Variants in SLC71A1 observed in about 807,000 individuals in gnomAD.
SLC71A1 encodes hippocampus abundant gene transcript 1.
At chr1:100,052,424 C>CTT in the SLC71A1 span, among the ~76,000 whole-genome samples, 652 of 119,560 alleles carry the variant, frequency 5.5e-3, no homozygotes, top group Non-Finnish European at 7.2e-3. Flanking sequence ...TAATATATTC[C>CTT]TTTTTTTTTT....
At chr1:100,051,458 G>GTT in the SLC71A1 span, among the ~76,000 whole-genome samples, 78 of 134,004 alleles carry the variant, frequency 5.8e-4, no homozygotes, top group African/African-American at 1.9e-3. Flanking sequence ...ATATCAGAGG[G>GTT]TTTTTTTTTT....
the SLC71A1 span, among the ~76,000 whole-genome samples, chr1:100,046,226 T>G: frequency 1.9e-5 from 2 of 104,762 alleles, no homozygotes; most frequent in African/African-American, 8.1e-5. Flanking sequence ...TTTTTTTTTT[T>G]TTTTTTTTTT....
At chr1:100,068,238 G>T in the SLC71A1 span, 3 of 1,426,632 alleles carry the variant, frequency 2.1e-6, no homozygotes, top group South Asian at 1.2e-5. Context: ...AAAAGTGCAT[G>T]ATTCAGTGCA....
At chr1:100,068,002 T>G in the SLC71A1 span, 1 of 1,614,200 alleles carries the variant, frequency 6.2e-7, no homozygotes, top group Non-Finnish European at 8.5e-7. Context: ...GCTGCAAGTT[T>G]AGTCACCAGT....
chr1:100,076,625 A>G, the SLC71A1 span, among the ~76,000 whole-genome samples: 3 of 152,240 alleles, frequency 2.0e-5, no homozygotes, highest in African/African-American at 7.2e-5. Flanking sequence ...AGCCAAGATT[A>G]TGATCCAGGC....
chr1:100,071,596 A>G, the SLC71A1 span, among the ~76,000 whole-genome samples: 1 of 152,238 alleles, frequency 6.6e-6, no homozygotes, highest in Non-Finnish European at 1.5e-5. Context: ...TACATTGCCA[A>G]CATTAGATTT....
chr1:100,048,144 A>G, the SLC71A1 span, among the ~76,000 whole-genome samples: 1 of 152,024 alleles, frequency 6.6e-6, no homozygotes, highest in East Asian at 1.9e-4. Context: ...GTGGTGGTGA[A>G]CATGGTGGAC....
chr1:100,059,144 G>GTGTTTTTTTTTTTTTT, the SLC71A1 span, among the ~76,000 whole-genome samples: 13 of 75,428 alleles, frequency 1.7e-4, no homozygotes, highest in African/African-American at 4.1e-4. Flanking sequence ...TCTTTTTCGT[G>GTGTTTTTTTTTTTTTT]TTTTTTTTTT....
the SLC71A1 span, among the ~76,000 whole-genome samples, chr1:100,056,806 C>T: frequency 6.6e-6 from 1 of 152,112 alleles, no homozygotes; most frequent in Non-Finnish European, 1.5e-5. Context: ...ACATTCCCAC[C>T]AACAGTGTAT....
the SLC71A1 span, chr1:100,080,489 A>G: frequency 6.2e-7 from 1 of 1,608,876 alleles, no homozygotes; most frequent in East Asian, 2.2e-5. Flanking sequence ...TTGTTTAAAC[A>G]ATGTAGGTGT....
chr1:100,038,159 T>G, the SLC71A1 span: 1 of 1,321,494 alleles, frequency 7.6e-7, no homozygotes, highest in Non-Finnish European at 1.1e-6. Context: ...GCAGTAGTGG[T>G]GGGACGGCAC....
chr1:100,053,511 C>A, the SLC71A1 span, among the ~76,000 whole-genome samples: 43 of 152,112 alleles, frequency 2.8e-4, no homozygotes, highest in African/African-American at 8.9e-4. Context: ...CTTTCATTTC[C>A]CTGTCCCTCC....
the SLC71A1 span, among the ~76,000 whole-genome samples, chr1:100,063,061 AT>A: frequency 6.6e-6 from 1 of 152,180 alleles, no homozygotes; most frequent in Non-Finnish European, 1.5e-5. Flanking sequence ...CATAAAATTT[AT>A]CCTTTTTATG....
chr1:100,071,289 C>CAAAA, the SLC71A1 span, among the ~76,000 whole-genome samples: 68 of 53,356 alleles, frequency 1.3e-3, no homozygotes, highest in Non-Finnish European at 1.7e-3. Flanking sequence ...CCATCTCTAC[C>CAAAA]AAAAAAAAAA....
chr1:100,071,289 C>CAAAAAA, the SLC71A1 span, among the ~76,000 whole-genome samples: 29 of 53,392 alleles, frequency 5.4e-4, no homozygotes, highest in African/African-American at 1.2e-3. Flanking sequence ...CCATCTCTAC[C>CAAAAAA]AAAAAAAAAA....
chr1:100,081,388 T>G, the SLC71A1 span, among the ~76,000 whole-genome samples: 1 of 152,210 alleles, frequency 6.6e-6, no homozygotes, highest in East Asian at 1.9e-4. Context: ...TTTTTGTTGT[T>G]TCTGAGACAG....
chr1:100,039,134 T>C, the SLC71A1 span, among the ~76,000 whole-genome samples: 2 of 152,262 alleles, frequency 1.3e-5, no homozygotes, highest in African/African-American at 4.8e-5. Flanking sequence ...GGATTTTTAA[T>C]TGAAAAACAA....
At chr1:100,043,136 C>A in the SLC71A1 span, 1 of 982,848 alleles carries the variant, frequency 1.0e-6, no homozygotes, top group Non-Finnish European at 1.2e-6. Context: ...CATAATCAGA[C>A]CGTCTGCAGA....
the SLC71A1 span, among the ~76,000 whole-genome samples, chr1:100,042,759 C>T: frequency 6.6e-6 from 1 of 152,104 alleles, no homozygotes; most frequent in East Asian, 1.9e-4. Flanking sequence ...AGGCATGTGC[C>T]ATCATGCCCA....
Sources: allele counts gnomAD v4.1 joint callset (sites outside exome capture counted in the v4.1 genomes callset), GRCh38; gene constraint gnomAD v4.1.1; transcripts MANE v1.5; gene names NCBI Gene and HGNC (gene_info 2026-07-23, HGNC 2026-07-21).